Variants in CAMTA1 observed in about 807,000 individuals in gnomAD.
The protein encoded by CAMTA1 is calmodulin binding transcription activator 1, also known as calmodulin-binding transcription activator 1.
CAMTA1 carries 27 observed loss-of-function variants against 170.9 expected under a neutral mutation model. The ratio of observed to expected loss-of-function variants is 0.16; its 90% CI spans 0.12 to 0.22. The LOEUF (loss-of-function observed/expected upper bound fraction) is 0.22, where lower values mean the gene tolerates loss of function less well. Ranked by LOEUF, CAMTA1 falls within the 10% of genes least tolerant of loss-of-function variation. The pLI, the probability that CAMTA1 is intolerant of heterozygous loss-of-function variation, is 1.00. For synonymous variants in CAMTA1, 833 were observed against 891.5 expected, an observed-to-expected ratio of 0.93 and a Z score of 1.17; for missense variants, 1,619 against 2,217.2, an observed-to-expected ratio of 0.73 and a Z score of 5.42.
chr1:7,288,685 G>C (rs1672682797), intron 5 of CAMTA1, among the ~76,000 whole-genome samples: 1 of 152,214 alleles, frequency 6.6e-6, no homozygotes, highest in Non-Finnish European at 1.5e-5. Flanking sequence ...GACTGAAAGA[G>C]AGCAGTAACC....
chr1:7,131,034 A>T (rs1393588295), intron 4 of CAMTA1, among the ~76,000 whole-genome samples: 1 of 151,616 alleles, frequency 6.6e-6, no homozygotes, highest in Non-Finnish European at 1.5e-5. Context: ...GCTCACTGCA[A>T]CCTCTGCCTC....
At chr1:7,758,121 T>G (rs1247751672) in intron 22 of CAMTA1, among the ~76,000 whole-genome samples, 2 of 152,216 alleles carry the variant, frequency 1.3e-5, no homozygotes, top group African/African-American at 4.8e-5. Flanking sequence ...CAACTTGTAG[T>G]ATCATGCATG....
intron 6 of CAMTA1, among the ~76,000 whole-genome samples, chr1:7,639,273 C>T (rs185651908): frequency 9.5e-4 from 144 of 152,376 alleles, no homozygotes; most frequent in African/African-American, 3.2e-3. Context: ...GCCACCACGC[C>T]CGGCCCAAAC....
intron 5 of CAMTA1, among the ~76,000 whole-genome samples, chr1:7,321,735 C>T (rs1378745035): frequency 6.6e-6 from 1 of 152,188 alleles, no homozygotes; most frequent in Non-Finnish European, 1.5e-5. Context: ...GAGAGTACCT[C>T]TTCTCTATCC....
intron 3 of CAMTA1, among the ~76,000 whole-genome samples, chr1:7,090,149 C>T (rs1308807068): frequency 6.6e-6 from 1 of 152,096 alleles, no homozygotes; most frequent in East Asian, 1.9e-4. Flanking sequence ...CCTTGATCTC[C>T]ACTCTTGGCC....
chr1:7,551,874 A>T (rs2094807692), intron 6 of CAMTA1, among the ~76,000 whole-genome samples: 2 of 152,186 alleles, frequency 1.3e-5, no homozygotes, highest in African/African-American at 4.8e-5. Flanking sequence ...CTCAGCACAG[A>T]ACCAAGCACA....
Position 7,581,266 on chromosome 1 carries a change from A to T in CAMTA1, c.511-59134A>T, listed in dbSNP as rs368448689. ...GGAACCCCAGAAACTTTTTCCTGGC[A>T]ATCATGGCTGCCTCCGAAGGGCCTG... On this transcript the variant is annotated intron_variant, in intron 6 of 22. Transcript: ENST00000303635. Among the ~76,000 whole-genome samples, 3 of 152,382 alleles carry T rather than the reference A, an allele frequency of 2.0e-5. No individual in the cohort carries two copies. The South Asian group carries it at 6.2e-4, about 32-fold the overall frequency.
At chr1:7,498,970 TGA>T (rs55873574) in intron 6 of CAMTA1, among the ~76,000 whole-genome samples, 7,830 of 133,376 alleles carry the variant, frequency 0.059, 295 homozygotes, top group South Asian at 0.095. Context: ...GAGGATTGTG[TGA>T]GTCTGGTGTG....
chr1:7,752,313 C>T (rs1428309319), intron 20 of CAMTA1, 146 bp from the exon 21 acceptor site: 2 of 703,414 alleles, frequency 2.8e-6, no homozygotes, highest in East Asian at 2.7e-5. Context: ...CACTCATCCC[C>T]CTTCAGATTG....
intron 5 of CAMTA1, among the ~76,000 whole-genome samples, chr1:7,310,647 T>TCTTTCTTTCC (rs61161982): frequency 1.0e-3 from 49 of 49,176 alleles, no homozygotes; most frequent in Admixed American, 1.9e-3. Context: ...TTTCTTTCTT[T>TCTTTCTTTCC]TTTCTTTCTT....
At chr1:7,373,600 C>T (rs1411572775) in intron 5 of CAMTA1, among the ~76,000 whole-genome samples, 1 of 152,188 alleles carries the variant, frequency 6.6e-6, no homozygotes, top group Non-Finnish European at 1.5e-5. Context: ...ACAGGAAACC[C>T]AAAACAATGA....
At chr1:6,818,363 CAAAT>C (rs912844512) in intron 1 of CAMTA1, among the ~76,000 whole-genome samples, 10 of 152,118 alleles carry the variant, frequency 6.6e-5, no homozygotes, top group Non-Finnish European at 1.0e-4. Flanking sequence ...CAAATAACAA[CAAAT>C]AAATAACTCA....
chr1:6,878,455 T>C (rs749209714), intron 3 of CAMTA1, among the ~76,000 whole-genome samples: 1 of 152,244 alleles, frequency 6.6e-6, no homozygotes, highest in Non-Finnish European at 1.5e-5. Context: ...ATTAGAGGGC[T>C]ATCATTCTGA....
intron 5 of CAMTA1, among the ~76,000 whole-genome samples, chr1:7,378,312 G>A (rs1486338681): frequency 6.6e-6 from 1 of 152,162 alleles, no homozygotes; most frequent in Non-Finnish European, 1.5e-5. Flanking sequence ...GAGAGAGAGA[G>A]GAAGCCGTGT....
intron 4 of CAMTA1, among the ~76,000 whole-genome samples, chr1:7,183,461 A>G (rs948130310): frequency 3.9e-5 from 6 of 152,188 alleles, no homozygotes; most frequent in African/African-American, 1.4e-4. Flanking sequence ...ACTTCTGGGA[A>G]TTCACCCTTG....
intron 4 of CAMTA1, among the ~76,000 whole-genome samples, chr1:7,245,034 T>C (rs1665532335): frequency 6.6e-6 from 1 of 151,916 alleles, no homozygotes; most frequent in African/African-American, 2.4e-5. Flanking sequence ...TTAGAATATT[T>C]TTAGAGTTTT....
intron 4 of CAMTA1, among the ~76,000 whole-genome samples, chr1:7,091,608 C>T (rs1641475418): frequency 1.3e-5 from 2 of 152,344 alleles, no homozygotes; most frequent in Middle Eastern, 3.4e-3. Flanking sequence ...AACCTGACGG[C>T]TGCATCCTTC....
chr1:7,591,253 G>A (rs1477793832), intron 6 of CAMTA1, among the ~76,000 whole-genome samples: 1 of 152,216 alleles, frequency 6.6e-6, no homozygotes, highest in South Asian at 2.1e-4. Context: ...TAGACCTTTA[G>A]AAAGTGCAGT....
chr1:7,444,268 C>T (rs886546735), intron 5 of CAMTA1, among the ~76,000 whole-genome samples: 1 of 152,194 alleles, frequency 6.6e-6, no homozygotes, highest in African/African-American at 2.4e-5. Context: ...AAACAGAAAC[C>T]CTCTTTGCCC....
Sources: gnomAD v4.1 joint callset for allele counts (sites outside exome capture counted in the v4.1 genomes callset) on GRCh38, gnomAD v4.1.1 for gene constraint, MANE v1.5 for transcripts, NCBI Gene and HGNC (gene_info 2026-07-23, HGNC 2026-07-21) for gene names.